The following NSL1 variants were observed in gnomAD, a reference collection of about 807,000 sequenced individuals.
NSL1 encodes the protein NSL1 component of MIS12 kinetochore complex, also known as kinetochore-associated protein NSL1 homolog.
NSL1 carries 11 observed loss-of-function variants against 25.4 expected under a neutral mutation model. That is an observed-to-expected ratio of 0.43 (90% CI 0.27 to 0.72). The LOEUF is 0.72. Ranked by LOEUF, NSL1 falls within the 30% of genes least tolerant of loss-of-function variation. The probability of loss-of-function intolerance (pLI) is 0.19; values close to 1 mark genes in which losing one functional copy is unlikely to be tolerated. For missense variants in NSL1, 330 were observed against 342.7 expected (o/e 0.96, Z 0.29); for synonymous variants, 118 against 120.6 (o/e 0.98, Z 0.14).
chr1:212,731,885 C>T lies in NSL1; in HGVS notation c.*6523G>A. 2.0e-6 allele frequency: 2 copies of T among 985,270 alleles called. No homozygotes were observed. The highest frequency in any genetic ancestry group is 1.1e-4 in the East Asian group (1 of 8,826). The allele number at this position is 985,270 out of a possible 1,614,324, so 61.0% of individuals were successfully genotyped here. On this transcript the variant is annotated 3_prime_UTR_variant, in exon 6 of 6. Coordinates refer to ENST00000366977, the MANE Select transcript of NSL1 (RefSeq NM_015471.4). Reference sequence around the variant, plus strand: ...GCTCCAGCTCCATGTCCTGGGACACCCTACCCTGCCCCAGGACCCAGCAGC... The same window carrying T: ...GCTCCAGCTCCATGTCCTGGGACACTCTACCCTGCCCCAGGACCCAGCAGC...
chr1:212,766,346 G>A (rs1659817637), intron 4 of NSL1: 2 of 457,390 alleles, frequency 4.4e-6, no homozygotes, highest in African/African-American at 2.0e-5. Context: ...AATCAGACAA[G>A]AGAAAGAAAT....
chr1:212,754,814 C>T (rs893515798), intron 4 of NSL1, among the ~76,000 whole-genome samples: 3 of 130,798 alleles, frequency 2.3e-5, no homozygotes, highest in Admixed American at 2.2e-4. Context: ...CTGCTCCTAA[C>T]CGCTGCCAGG....
intron 4 of NSL1, among the ~76,000 whole-genome samples, chr1:212,744,246 T>C (rs1410747189): frequency 2.0e-5 from 3 of 152,118 alleles, no homozygotes; most frequent in Admixed American, 6.5e-5. Flanking sequence ...TTTAAGGAAA[T>C]CTCTGACAAA....
chr1:212,728,534 T>C lies in NSL1; in HGVS notation c.*9874A>G, dbSNP rs1490089742. 1.0e-6 allele frequency: 1 copy of C among 985,322 alleles called. No homozygotes were observed. The highest frequency in any genetic ancestry group is 1.7e-5 in the African/African-American group (1 of 57,236). The allele number at this position is 985,322 out of a possible 1,614,324, so 61.0% of individuals were successfully genotyped here. On this transcript the variant is annotated 3_prime_UTR_variant, in exon 6 of 6. Transcript: ENST00000366977. ...GAACAAATCTGACATTGTTGGTTTG[T>C]TCAAACAATTTTTTCAAATCAGATT...
intron 4 of NSL1, among the ~76,000 whole-genome samples, chr1:212,779,339 T>G (rs1571914501): frequency 5.5e-5 from 6 of 108,676 alleles, no homozygotes; most frequent in East Asian, 2.8e-4. Flanking sequence ...GGTGGGGGGG[T>G]CAGCCCCCCT....
intron 4 of NSL1, among the ~76,000 whole-genome samples, chr1:212,742,537 C>A (rs968692449): frequency 1.3e-5 from 2 of 152,006 alleles, no homozygotes; most frequent in Non-Finnish European, 2.9e-5. Context: ...TGAAAAAGTG[C>A]GAGATTAAAG....
At chr1:212,766,903 A>C (rs112579359) in intron 4 of NSL1, among the ~76,000 whole-genome samples, 3,468 of 152,314 alleles carry the variant, frequency 0.023, 63 homozygotes, top group South Asian at 0.042. Context: ...GGCCCTCTAC[A>C]AGGAAAACTA....
intron 4 of NSL1, among the ~76,000 whole-genome samples, chr1:212,773,161 C>T (rs1392857813): frequency 3.3e-5 from 5 of 152,122 alleles, no homozygotes; most frequent in East Asian, 1.9e-4. Context: ...CTCAAAAGCA[C>T]AGGGAACAAA....
Position 212,780,203 on chromosome 1 carries a change from C to T in NSL1, c.499+2169G>A, listed in dbSNP as rs560391251. ...GGGATCCTGTTGATCTGTGACCTTA[C>T]CCCCAACCCTGTGCTCTCTGAAACA... On this transcript the variant is annotated intron_variant, in intron 4 of 5. Coordinates refer to ENST00000366977, the MANE Select transcript of NSL1 (RefSeq NM_015471.4). Among the ~76,000 whole-genome samples the T allele has an allele frequency of 5.2e-3, 793 of 151,852 alleles. 4 individuals are homozygous for T. Among genetic ancestry groups the T allele is most frequent in the African/African-American group, 0.018 (755 of 41,432 alleles).
chr1:212,751,214 A>G (rs1481159284), intron 4 of NSL1, among the ~76,000 whole-genome samples: 2 of 152,166 alleles, frequency 1.3e-5, no homozygotes, highest in Non-Finnish European at 2.9e-5. Context: ...AAGGAAGAAA[A>G]ACACAATGGC....
intron 4 of NSL1, among the ~76,000 whole-genome samples, chr1:212,768,756 C>A (rs376085159): frequency 6.6e-6 from 1 of 152,138 alleles, no homozygotes; most frequent in African/African-American, 2.4e-5. Flanking sequence ...TAAAAGACTA[C>A]ATTTTGGGTA....
chr1:212,758,712 G>T (rs1209445285), intron 4 of NSL1, among the ~76,000 whole-genome samples: 1 of 152,126 alleles, frequency 6.6e-6, no homozygotes, highest in Non-Finnish European at 1.5e-5. Flanking sequence ...CTCTCAAAGT[G>T]ATCTACAATT....
chr1:212,772,574 G>A (rs1188753040), intron 4 of NSL1, among the ~76,000 whole-genome samples: 4 of 152,108 alleles, frequency 2.6e-5, no homozygotes, highest in African/African-American at 4.8e-5. Context: ...CTACTTGGGA[G>A]GCTGAGGCAC....
chr1:212,757,854 C>G (rs1659386701), intron 4 of NSL1, among the ~76,000 whole-genome samples: 1 of 152,156 alleles, frequency 6.6e-6, no homozygotes, highest in Non-Finnish European at 1.5e-5. Context: ...TATAGTGGTC[C>G]TAAGCGAATA....
At chr1:212,755,883 C>T (rs531733681) in intron 4 of NSL1, among the ~76,000 whole-genome samples, 5 of 152,186 alleles carry the variant, frequency 3.3e-5, no homozygotes, top group Non-Finnish European at 5.9e-5. Context: ...CTACGGCAGT[C>T]GAATGGAGGA....
intron 4 of NSL1, among the ~76,000 whole-genome samples, chr1:212,779,287 G>A (rs1333207699): frequency 1.0e-4 from 15 of 145,642 alleles, no homozygotes; most frequent in Admixed American, 1.0e-3. Context: ...AGGGAGGTGG[G>A]GGTCAGCCCC....
At chr1:212,768,357 C>A (rs556611606) in intron 4 of NSL1, among the ~76,000 whole-genome samples, 4 of 145,964 alleles carry the variant, frequency 2.7e-5, no homozygotes, top group Non-Finnish European at 6.0e-5. Flanking sequence ...AAAAGCAGGA[C>A]TACCATTCGA....
In NSL1 at chr1:212,738,697, A is replaced by G; in HGVS notation, c.568-11T>C. ...TAATGCAGGCAAGGACTTCAAACAA[A>G]CAAACAGTAATATTCAACATTAATC... is the stretch of plus-strand genomic sequence containing the variant. On this transcript the variant is annotated splice_polypyrimidine_tract_variant and intron_variant, in intron 5 of 5. Coordinates refer to ENST00000366977, the MANE Select transcript of NSL1 (RefSeq NM_015471.4). 2 of 1,606,000 alleles carry G rather than the reference A, an allele frequency of 1.2e-6. No individual in the cohort carries two copies. Among genetic ancestry groups the G allele is most frequent in the Non-Finnish European group, 1.7e-6 (2 of 1,174,174 alleles).
chr1:212,749,633 T>C (rs960565023), intron 4 of NSL1, among the ~76,000 whole-genome samples: 3 of 152,104 alleles, frequency 2.0e-5, no homozygotes, highest in African/African-American at 7.2e-5. Flanking sequence ...TATTCACTGA[T>C]TTGTGAAGCC....
Sources: allele counts gnomAD v4.1 joint callset (sites outside exome capture counted in the v4.1 genomes callset), GRCh38; gene constraint gnomAD v4.1.1; transcripts MANE v1.5; gene names NCBI Gene and HGNC (gene_info 2026-07-23, HGNC 2026-07-21).